BCAR3: variants seen among roughly 807,000 people sequenced by gnomAD.
BCAR3 encodes breast cancer anti-estrogen resistance protein 3.
Under a neutral mutation model 80.1 loss-of-function variants are expected in BCAR3, and 37 were observed. That is an observed-to-expected ratio of 0.46 (90% CI 0.36 to 0.61). BCAR3 has a LOEUF of 0.61. Among genes scored for constraint, BCAR3 ranks in the 20% least tolerant of loss-of-function variants. The pLI is 0.00. For synonymous variants in BCAR3, 389 were observed against 418.9 expected (o/e 0.93, Z 0.87); for missense variants, 978 against 1,068.2 (o/e 0.92, Z 1.18).
At chr1:93,673,331 T>C (rs534282106) in intron 2 of BCAR3, among the ~76,000 whole-genome samples, 6 of 152,368 alleles carry the variant, frequency 3.9e-5, no homozygotes, top group East Asian at 1.9e-4. Flanking sequence ...CAAGAACAGA[T>C]TGCTCAATAA....
intron 2 of BCAR3, among the ~76,000 whole-genome samples, chr1:93,749,703 A>G (rs969652526): frequency 1.1e-4 from 17 of 152,262 alleles, no homozygotes; most frequent in African/African-American, 4.1e-4. Flanking sequence ...CCATTCTCAC[A>G]TTACTTTCAA....
intron 2 of BCAR3, among the ~76,000 whole-genome samples, chr1:93,834,305 G>T (rs1023634054): frequency 1.3e-5 from 2 of 152,032 alleles, no homozygotes; most frequent in African/African-American, 4.8e-5. Context: ...AAATTGTCTT[G>T]CCTATCCACC....
chr1:93,842,141 T>C (rs946929856), intron 2 of BCAR3, among the ~76,000 whole-genome samples: 9 of 130,762 alleles, frequency 6.9e-5, no homozygotes, highest in Non-Finnish European at 1.3e-4. Context: ...TTTGTGTACC[T>C]GTCATCCTTT....
intron 3 of BCAR3, among the ~76,000 whole-genome samples, chr1:93,700,286 G>T (rs557413196): frequency 1.3e-5 from 2 of 152,170 alleles, no homozygotes; most frequent in South Asian, 4.2e-4. Flanking sequence ...TCCTCCTCCT[G>T]AGCTCAAGCC....
At chr1:93,810,608 C>T (rs1343622091) in intron 2 of BCAR3, among the ~76,000 whole-genome samples, 1 of 152,186 alleles carries the variant, frequency 6.6e-6, no homozygotes, top group Non-Finnish European at 1.5e-5. Context: ...CTGTCAGCAG[C>T]CTTTCACAAT....
intron 2 of BCAR3, among the ~76,000 whole-genome samples, chr1:93,754,586 G>A (rs1651683468): frequency 6.6e-6 from 1 of 152,112 alleles, no homozygotes; most frequent in Admixed American, 6.5e-5. Flanking sequence ...ATATGACAGT[G>A]GTCCCATAAG....
Position 93,689,531 on chromosome 1 carries a change from C to CA in BCAR3, c.-11-14591dup, listed in dbSNP as rs59833848. Among the ~76,000 whole-genome samples, 242 of 115,882 alleles carry CA rather than the reference C, an allele frequency of 2.1e-3. 1 individual carries two copies. Among genetic ancestry groups the CA allele is most frequent in the Non-Finnish European group, 2.4e-3 (126 of 52,052 alleles). 76.0% of individuals were successfully genotyped at this position (115,882 alleles called of 152,430 possible). On this transcript the variant is annotated intron_variant, in intron 3 of 13. Coordinates refer to the BCAR3 transcript ENST00000370244. ...AGCAAACAAGAGCAAAACTACATCT[C>CA]AAAAAAAAAAAAAAAGTGCTGGGGA... is the stretch of plus-strand genomic sequence containing the variant.
At chr1:93,835,178 C>T (rs1180429193) in intron 2 of BCAR3, among the ~76,000 whole-genome samples, 1 of 152,156 alleles carries the variant, frequency 6.6e-6, no homozygotes, top group East Asian at 1.9e-4. Context: ...TGTCCTACAC[C>T]ACTATGCTGT....
At chr1:93,774,483 CAAAA>C (rs368408896) in intron 2 of BCAR3, among the ~76,000 whole-genome samples, 1 of 124,454 alleles carries the variant, frequency 8.0e-6, no homozygotes. Context: ...GATTCTGTTT[CAAAA>C]AAAAAAAAAA....
intron 2 of BCAR3, among the ~76,000 whole-genome samples, chr1:93,789,110 C>T (rs1454522010): frequency 6.6e-6 from 1 of 152,110 alleles, no homozygotes; most frequent in Non-Finnish European, 1.5e-5. Flanking sequence ...ATTCTCCTGT[C>T]TCAGCCTCCC....
At chr1:93,732,844 A>G (rs2100686011) in intron 2 of BCAR3, among the ~76,000 whole-genome samples, 1 of 152,328 alleles carries the variant, frequency 6.6e-6, no homozygotes, top group South Asian at 2.1e-4. Flanking sequence ...CAGCAATTTC[A>G]GAAACCTTTG....
intron 2 of BCAR3, among the ~76,000 whole-genome samples, chr1:93,815,626 G>T (rs750943455): frequency 6.6e-6 from 1 of 152,146 alleles, no homozygotes; most frequent in Admixed American, 6.5e-5. Context: ...GGGGAGGGAA[G>T]TCACTTTTCA....
chr1:93,670,764 T>C (rs903373225), intron 2 of BCAR3, among the ~76,000 whole-genome samples: 4 of 152,104 alleles, frequency 2.6e-5, no homozygotes, highest in Non-Finnish European at 5.9e-5. Context: ...CTTTAAGCTA[T>C]CTGAAAACTA....
Position 93,586,750 on chromosome 1 carries a change from G to T in BCAR3, c.929+2227C>A, listed in dbSNP as rs556281677. ...TTTGGATATAGGCCTTTTTAACTGG[G>T]GTAAGGTGATATCCATTATAGTTTT... is the stretch of plus-strand genomic sequence containing the variant. On this transcript the variant is annotated intron_variant, in intron 5 of 11. Transcript: ENST00000260502. The surrounding 1 kb of genome is among the most constrained non-coding windows in gnomAD (Gnocchi z 4.2). Among the ~76,000 whole-genome samples the T allele has an allele frequency of 2.0e-5, 3 of 152,206 alleles. No individual in the cohort carries two copies. In the South Asian group the frequency reaches 6.2e-4, roughly 32 times the overall value.
intron 2 of BCAR3, among the ~76,000 whole-genome samples, chr1:93,818,655 T>C (rs1461158486): frequency 2.0e-5 from 3 of 152,220 alleles, no homozygotes; most frequent in Non-Finnish European, 2.9e-5. Context: ...TTTGTTTCAT[T>C]ATATGTCAGG....
At chr1:93,839,068 C>T (rs1199506154) in intron 2 of BCAR3, among the ~76,000 whole-genome samples, 4 of 152,118 alleles carry the variant, frequency 2.6e-5, no homozygotes, top group Admixed American at 1.3e-4. Flanking sequence ...TTTGGGAGGC[C>T]GAGGCAGGTG....
chr1:93,845,473 T>TAC, intron 2 of BCAR3: 1 of 1,670 alleles, frequency 6.0e-4, no homozygotes, highest in South Asian at 0.071. Flanking sequence ...TATATATATA[T>TAC]ATATATATAT....
intron 2 of BCAR3, among the ~76,000 whole-genome samples, chr1:93,645,641 T>A (rs531146073): frequency 6.7e-6 from 1 of 150,372 alleles, no homozygotes; most frequent in East Asian, 1.9e-4. Context: ...AGGATCTTTG[T>A]GTGTGTGTGT....
chr1:93,743,014 T>A (rs1320218748), intron 2 of BCAR3, among the ~76,000 whole-genome samples: 1 of 152,232 alleles, frequency 6.6e-6, no homozygotes, highest in African/African-American at 2.4e-5. Flanking sequence ...TTCTTTATTT[T>A]AAAAAATGCA....
Sources: gnomAD v4.1 joint callset for allele counts (sites outside exome capture counted in the v4.1 genomes callset) on GRCh38, gnomAD v4.1.1 for gene constraint, Gnocchi (gnomAD v3.1) non-coding constraint, MANE v1.5 for transcripts, NCBI Gene and HGNC (gene_info 2026-07-23, HGNC 2026-07-21) for gene names.